ADGRE1: variants seen among roughly 807,000 people sequenced by gnomAD.
ADGRE1 encodes the protein adhesion G protein-coupled receptor E1.
A neutral mutation model predicts 102.7 loss-of-function variants in ADGRE1; 82 were observed. The ratio of observed to expected loss-of-function variants is 0.80; its 90% CI spans 0.67 to 0.96. ADGRE1 has a LOEUF of 0.96. Ranked by LOEUF, ADGRE1 falls within the 40% of genes least tolerant of loss-of-function variation. The pLI is 0.00. For missense variants in ADGRE1, 1,032 were observed against 1,085.3 expected (o/e 0.95, Z 0.69); for synonymous variants, 398 against 399.6 (o/e 1.00, Z 0.05).
chr19:6,926,355 C>G lies in ADGRE1; in HGVS notation c.1987-11C>G. 6.2e-7 allele frequency: 1 copy of G among 1,613,346 alleles called. No individual in the cohort carries two copies. The highest frequency in any genetic ancestry group is 8.5e-7 in the Non-Finnish European group (1 of 1,179,852). On this transcript the variant is annotated splice_polypyrimidine_tract_variant and intron_variant, in intron 15 of 20. Coordinates refer to ENST00000312053, the MANE Select transcript of ADGRE1 (RefSeq NM_001974.5). ...GTGGAGGATTCTGATGCGCATGCTT[C>G]TCCCCTCCAGATGGGCTGCGCCATC... is the stretch of plus-strand genomic sequence containing the variant.
At chr19:6,934,439 T>C (rs1975301748) in intron 17 of ADGRE1, among the ~76,000 whole-genome samples, 1 of 134,524 alleles carries the variant, frequency 7.4e-6, no homozygotes. Context: ...TTTTTTTTTT[T>C]GAGACACAGT....
chr19:6,906,072 G>T (rs982324157), intron 8 of ADGRE1, among the ~76,000 whole-genome samples: 2 of 152,130 alleles, frequency 1.3e-5, no homozygotes, highest in East Asian at 3.8e-4. Context: ...TTATATGTAT[G>T]ACTTCTCTAA....
intron 5 of ADGRE1, chr19:6,898,239 T>G: frequency 7.1e-7 from 1 of 1,412,156 alleles, no homozygotes; most frequent in East Asian, 2.4e-5. Context: ...TGTTTTAACT[T>G]TTTTTTTTGG....
chr19:6,914,866 T>C (rs1209021743), intron 11 of ADGRE1, among the ~76,000 whole-genome samples: 2 of 152,088 alleles, frequency 1.3e-5, no homozygotes, highest in Non-Finnish European at 1.5e-5. Context: ...CACGTAAATA[T>C]CTGCAGAAAG....
intron 6 of ADGRE1, 70 bp downstream of exon 6, chr19:6,902,091 G>A (rs1219068087): frequency 1.3e-6 from 2 of 1,577,526 alleles, no homozygotes; most frequent in Non-Finnish European, 1.7e-6. Context: ...GGGGATTAGG[G>A]TGGGTCTTGG....
chr19:6,929,543 G>C, intron 17 of ADGRE1, among the ~76,000 whole-genome samples: 1 of 150,662 alleles, frequency 6.6e-6, no homozygotes, highest in African/African-American at 2.4e-5. Flanking sequence ...TTTTTTTTTA[G>C]ACGGAGTCTC....
chr19:6,897,497 A>G lies in ADGRE1; in HGVS notation c.464A>G (p.Tyr155Cys). 1 of 1,597,314 alleles carries G rather than the reference A, an allele frequency of 6.3e-7. No individual in the cohort carries two copies. Among genetic ancestry groups the G allele is most frequent in the Middle Eastern group, 1.7e-4 (1 of 5,980 alleles). Residue 155 changes from tyrosine (Y) to cysteine (C), a missense_variant, in exon 5 of 21, where the codon TAC (tyrosine) becomes TGC (cysteine). Transcript: ENST00000312053. ...GACTGTGTCAACTCCATGGGAAGCT[A>G]CAGTTGCAGCTGTCAAGTTGGATTC... Reference protein sequence around the residue: ...HSDCVNSMGSYSCSCQVGFIS... With the variant: ...HSDCVNSMGSCSCSCQVGFIS...
In ADGRE1 at chr19:6,919,589, T is replaced by A; in HGVS notation, c.1462T>A (p.Ser488Thr). The A allele has an allele frequency of 6.2e-7, 1 of 1,613,436 alleles. No homozygotes were observed. Among genetic ancestry groups the A allele is most frequent in the Non-Finnish European group, 8.5e-7 (1 of 1,179,910 alleles). The stretch of plus-strand genomic sequence containing the variant: ...TTTTGTCTCCTTTGTGGGCATGGAA[T>A]CGGTTTTAAATGAGCGCTTCTTCAA... Reference protein sequence around the residue: ...VAFVSFVGMESVLNERFFKDH... With the variant: ...VAFVSFVGMETVLNERFFKDH... Residue 488 changes from serine (S) to threonine (T), a missense_variant, in exon 13 of 21, where the codon TCG becomes ACG. Physicochemically the swap from Ser to Thr is moderately conservative, Grantham distance 58. Coordinates refer to ENST00000312053, the MANE Select transcript of ADGRE1 (RefSeq NM_001974.5).
At position 6,909,890 on chromosome 19, in the gene ADGRE1, A is replaced by G. The variant is rs192685593; in HGVS notation, c.1122+1118A>G. ...GTTGGGATTACAGGCATGCGCCACC[A>G]TGCCCGGCTAATTTTGTATTTTTAG... On this transcript the variant is annotated intron_variant, in intron 10 of 20. Coordinates refer to ENST00000312053, the MANE Select transcript of ADGRE1 (RefSeq NM_001974.5). Among the ~76,000 whole-genome samples the G allele has an allele frequency of 2.7e-3, 406 of 152,098 alleles. 1 individual carries two copies. Among genetic ancestry groups the G allele is most frequent in the African/African-American group, 9.2e-3 (383 of 41,508 alleles).
intron 11 of ADGRE1, among the ~76,000 whole-genome samples, chr19:6,915,674 C>A (rs1974346829): frequency 6.6e-6 from 1 of 152,008 alleles, no homozygotes; most frequent in African/African-American, 2.4e-5. Context: ...GTAATCCTAG[C>A]ACTTTGGGAG....
intron 14 of ADGRE1, among the ~76,000 whole-genome samples, chr19:6,924,364 G>A (rs1974794161): frequency 6.6e-6 from 1 of 152,112 alleles, no homozygotes; most frequent in Admixed American, 6.6e-5. Flanking sequence ...AACCTTCACA[G>A]ATGTATCTCA....
At chr19:6,920,369 G>A (rs2354119) in intron 13 of ADGRE1, among the ~76,000 whole-genome samples, 8 of 150,974 alleles carry the variant, frequency 5.3e-5, no homozygotes, top group Non-Finnish European at 8.9e-5. Flanking sequence ...ACAGGCGCCC[G>A]CCACCATGAC....
In ADGRE1 at chr19:6,937,396, T is replaced by C; in HGVS notation, c.2535T>C (p.Cys845=). ...GGGCCTTCATCTTCCTCATCCACTG[T>C]CTGCTCAACGGCCAGGTGTGTAGCT... The part of the protein sequence containing the change: ...LQGAFIFLIH[C]LLNGQVREEY... Residue 845 remains cysteine (C), a synonymous_variant, in exon 19 of 21, where the codon TGT becomes TGC. Coordinates refer to ENST00000312053, the MANE Select transcript of ADGRE1 (RefSeq NM_001974.5). 6.2e-7 allele frequency: 1 copy of C among 1,613,640 alleles called. No individual in the cohort carries two copies. Among genetic ancestry groups the C allele is most frequent in the Non-Finnish European group, 8.5e-7 (1 of 1,179,936 alleles).
chr19:6,939,485 G>A (rs1975580082), intron 20 of ADGRE1, among the ~76,000 whole-genome samples: 1 of 152,106 alleles, frequency 6.6e-6, no homozygotes. Flanking sequence ...TATGCTTAGT[G>A]GTGTTGTAAA....
rs140342957 is a variant in ADGRE1 at position 6,937,548 on chromosome 19, G to C, written c.2555G>C (p.Arg852Pro). Residue 852 changes from arginine (R) to proline (P), a missense_variant, in exon 20 of 21, where the codon CGA becomes CCA. Transcript: ENST00000312053. Reference sequence around the variant, plus strand: ...ATGATGTGTCTCCTTCTCCAGGTACGAGAAGAATACAAGAGGTGGATCACT... The same window carrying C: ...ATGATGTGTCTCCTTCTCCAGGTACCAGAAGAATACAAGAGGTGGATCACT... ...LIHCLLNGQV[R>P]EEYKRWITGK... 6.2e-6 allele frequency: 10 copies of C among 1,613,348 alleles called. No individual in the cohort carries two copies. Among genetic ancestry groups the C allele is most frequent in the Non-Finnish European group, 7.6e-6 (9 of 1,179,892 alleles).
Position 6,934,456 on chromosome 19 carries a change from C to G in ADGRE1, c.2290-531C>G, listed in dbSNP as rs376059461. 2.5e-4 allele frequency among the ~76,000 whole-genome samples: 32 copies of G among 126,534 alleles called. No homozygotes were observed. The East Asian group carries it at 5.9e-3, about 23-fold the overall frequency. The allele number at this position is 126,534 out of a possible 152,430, so 83.0% of individuals were successfully genotyped here. A position where few individuals can be genotyped will look rare whatever the true frequency, so the allele number is the denominator to read the frequency against. On this transcript the variant is annotated intron_variant, in intron 17 of 20. Coordinates refer to ENST00000312053, the MANE Select transcript of ADGRE1 (RefSeq NM_001974.5). Reference sequence around the variant, plus strand: ...TTTTTTTTTGAGACACAGTCTTGCTCTGTTGCCAGGCTGGAGTGCAGTGGC... The same window carrying G: ...TTTTTTTTTGAGACACAGTCTTGCTGTGTTGCCAGGCTGGAGTGCAGTGGC...
Position 6,926,534 on chromosome 19 carries a change from G to A in ADGRE1, c.2155G>A (p.Gly719Arg), listed in dbSNP as rs377649205. ...GCTGCACATCTGTGCCTTTGGTTAT[G>A]GGCTGCCGATGCTGGTGGTGGTGAT... ...KMLHICAFGYGLPMLVVVISA... is the reference protein window; with the variant it reads ...KMLHICAFGYRLPMLVVVISA... The change falls in exon 16 of 21, where the codon GGG becomes AGG. Residue 719 changes from glycine to arginine, a missense_variant. Transcript: ENST00000312053. The A allele has an allele frequency of 6.2e-7, 1 of 1,614,240 alleles. No individual in the cohort carries two copies. Among genetic ancestry groups the A allele is most frequent in the Non-Finnish European group, 8.5e-7 (1 of 1,180,046 alleles).
intron 2 of ADGRE1, among the ~76,000 whole-genome samples, chr19:6,891,455 ATT>A (rs113589576): frequency 0.073 from 9,944 of 136,336 alleles, 785 homozygotes; most frequent in African/African-American, 0.2. Flanking sequence ...CATCTTTCAC[ATT>A]TTTTTTTTTT....
Position 6,919,601 on chromosome 19 carries a change from G to A in ADGRE1, c.1474G>A (p.Glu492Lys). 2 of 1,613,352 alleles carry A rather than the reference G, an allele frequency of 1.2e-6. No individual in the cohort carries two copies. Among genetic ancestry groups the A allele is most frequent in the Non-Finnish European group, 1.7e-6 (2 of 1,179,842 alleles). Residue 492 changes from glutamate (E) to lysine (K), a missense_variant, in exon 13 of 21, where the codon GAG becomes AAG. Transcript: ENST00000312053. Reference protein sequence around the residue: ...SFVGMESVLNERFFKDHQAPL... With the variant: ...SFVGMESVLNKRFFKDHQAPL... ...TGTGGGCATGGAATCGGTTTTAAAT[G>A]AGCGCTTCTTCAAAGACCACCAGGC...
Sources: gnomAD v4.1 joint callset for allele counts (sites outside exome capture counted in the v4.1 genomes callset) on GRCh38, gnomAD v4.1.1 for gene constraint, MANE v1.5 for transcripts, NCBI Gene and HGNC (gene_info 2026-07-23, HGNC 2026-07-21) for gene names.